The following EGF variants were observed in gnomAD, a reference collection of about 807,000 sequenced individuals.
EGF encodes pro-epidermal growth factor.
A neutral mutation model predicts 143.8 loss-of-function variants in EGF; 95 were observed. That is an observed-to-expected ratio of 0.66 (90% CI 0.56 to 0.78). The LOEUF is 0.78. Ranked by LOEUF, EGF falls within the 30% of genes least tolerant of loss-of-function variation. The pLI is 0.00. For missense variants in EGF, 1,320 were observed against 1,470.9 expected, an observed-to-expected ratio of 0.90 and a Z score of 1.68; for synonymous variants, 510 against 510.5, an observed-to-expected ratio of 1.00 and a Z score of 0.01.
chr4:109,936,059 A>G (rs948247032), intron 1 of EGF, among the ~76,000 whole-genome samples: 1 of 152,200 alleles, frequency 6.6e-6, no homozygotes, highest in Non-Finnish European at 1.5e-5. Context: ...TGCTGGCCTC[A>G]TAAAATGAGT....
intron 1 of EGF, among the ~76,000 whole-genome samples, chr4:109,929,415 T>C (rs1160098100): frequency 6.6e-6 from 1 of 152,108 alleles, no homozygotes; most frequent in Non-Finnish European, 1.5e-5. Flanking sequence ...ACACACAATA[T>C]GTTGACTGTA....
At chr4:109,948,756 G>A (rs1478471447) in intron 5 of EGF, among the ~76,000 whole-genome samples, 1 of 152,168 alleles carries the variant, frequency 6.6e-6, no homozygotes, top group Non-Finnish European at 1.5e-5. Flanking sequence ...AAAGTGCTGG[G>A]ATTACAGGCA....
chr4:109,960,716 C>G, intron 6 of EGF, 151 bp from the exon 7 acceptor site: 3 of 784,826 alleles, frequency 3.8e-6, no homozygotes, highest in East Asian at 5.4e-5. Context: ...CTTATTTTAC[C>G]CTTTGCTAGA....
In EGF at chr4:109,916,623, T is replaced by A. The variant is rs531428464; in HGVS notation, c.127+3161T>A. Among the ~76,000 whole-genome samples the A allele has an allele frequency of 1.9e-3, 284 of 151,756 alleles. 4 individuals are homozygous for A. In the South Asian group the frequency reaches 0.019, roughly 10 times the overall value. ...TCTGGGAGTGGAATCTAGGCCTTATTTTTTTTTAATGTGGTGATTCTAACC... is the reference window on the plus strand; with the variant it reads ...TCTGGGAGTGGAATCTAGGCCTTATATTTTTTTAATGTGGTGATTCTAACC... On this transcript the variant is annotated intron_variant, in intron 1 of 23. Transcript: ENST00000265171.
At chr4:109,946,285 G>A (rs1437004156) in intron 5 of EGF, among the ~76,000 whole-genome samples, 1 of 152,108 alleles carries the variant, frequency 6.6e-6, no homozygotes, top group Non-Finnish European at 1.5e-5. Flanking sequence ...TCCTTCAAAA[G>A]CTTTTCTTTG....
intron 20 of EGF, 119 bp from the exon 21 acceptor site, chr4:109,999,560 T>A (rs1752276489): frequency 7.6e-7 from 1 of 1,315,428 alleles, no homozygotes; most frequent in Non-Finnish European, 1.1e-6. Flanking sequence ...TTTCTATATG[T>A]TTCTAAAGAG....
rs1255106788 is a variant in EGF, at chr4:109,993,342, C to T, written c.2830C>T (p.Leu944=). Residue 944 remains leucine (L), a synonymous_variant, in exon 19 of 24, where the codon CTG becomes TTG. Transcript: ENST00000265171. ...GGYTCMCAGR[L]SEPGLICPDS... ...CTATACCTGCATGTGTGCTGGACGC[C>T]TGTCTGAACCAGGACTGATTTGCCC... is the stretch of plus-strand genomic sequence containing the variant. 6.2e-7 allele frequency: 1 copy of T among 1,613,624 alleles called. No individual in the cohort carries two copies. The highest frequency in any genetic ancestry group is 8.5e-7 in the Non-Finnish European group (1 of 1,179,860).
chr4:109,943,192 T>A (rs528285663), intron 2 of EGF, 62 bp from the exon 3 acceptor site: 1 of 1,173,818 alleles, frequency 8.5e-7, no homozygotes, highest in African/African-American at 1.6e-5. Flanking sequence ...ATATAACAAT[T>A]AAAATAATTT....
Position 109,964,551 on chromosome 4 carries a change from AC to A in EGF, c.1575+15del, listed in dbSNP as rs1373236567. On this transcript the variant is annotated intron_variant, in intron 10 of 23. Transcript: ENST00000265171. ...GTGGAAAATAAGGTATGGTTTTGTTACTTGAACAGATGTGGACATGCTTTAA... is the reference window on the plus strand; with the variant it reads ...GTGGAAAATAAGGTATGGTTTTGTTATTGAACAGATGTGGACATGCTTTAA... 2.5e-6 allele frequency: 4 copies of A among 1,613,572 alleles called. No individual in the cohort carries two copies. The highest frequency in any genetic ancestry group is 3.4e-6 in the Non-Finnish European group (4 of 1,179,642).
intron 5 of EGF, among the ~76,000 whole-genome samples, chr4:109,953,152 T>C (rs985068304): frequency 3.3e-5 from 5 of 152,170 alleles, no homozygotes; most frequent in African/African-American, 1.2e-4. Flanking sequence ...GCACTGCAGG[T>C]GGTTCTGTAA....
chr4:110,008,481 C>T lies in EGF; in HGVS notation c.3370+251C>T, dbSNP rs1753613454. 6.6e-6 allele frequency among the ~76,000 whole-genome samples: 1 copy of T among 152,130 alleles called. No individual in the cohort carries two copies. The highest frequency in any genetic ancestry group is 2.4e-5 in the African/African-American group (1 of 41,422). ...GCAGCCCGTGTTCTTGCACTTTGAG[C>T]AAGAACACAATGGATGACTCCTTGA... On this transcript the variant is annotated intron_variant, in intron 23 of 23. Coordinates refer to ENST00000265171, the MANE Select transcript of EGF (RefSeq NM_001963.6).
Position 109,961,904 on chromosome 4 carries a change from G to A in EGF, c.1231G>A (p.Asp411Asn). 2 of 1,613,954 alleles carry A rather than the reference G, an allele frequency of 1.2e-6. No individual in the cohort carries two copies. The change falls in exon 8 of 24, where the codon GAC becomes AAC. Residue 411 changes from aspartate to asparagine, a missense_variant. Physicochemically the swap from Asp to Asn is conservative, Grantham distance 23. Around this residue, in one of 5 missense-constraint regions of EGF, gnomAD observed 1,186 missense variants for 1,313.7 expected, o/e 0.90. Transcript: ENST00000265171. ...CPRNVSECSHDCVLTSEGPLC... is the reference protein window; with the variant it reads ...CPRNVSECSHNCVLTSEGPLC... ...ACGCAATGTGTCTGAATGCAGCCATGACTGTGTTCTGACATCAGAAGGTCC... is the reference window on the plus strand; with the variant it reads ...ACGCAATGTGTCTGAATGCAGCCATAACTGTGTTCTGACATCAGAAGGTCC...
Position 110,013,667 on chromosome 4 carries a change from C to T in EGF, c.*2212C>T, listed in dbSNP as rs9991044. ...ACTCTCATCGTCTCATTGCGCGCAA[C>T]GCCTGATTGAGCTTCTGTTTGACTA... On this transcript the variant is annotated 3_prime_UTR_variant, in exon 24 of 24. Coordinates refer to ENST00000265171, the MANE Select transcript of EGF (RefSeq NM_001963.6). 1 allele frequency among the ~76,000 whole-genome samples: 151,687 copies of T among 152,160 alleles called. 75,611 individuals are homozygous for T. Among genetic ancestry groups the T allele is most frequent in the East Asian group, 1 (5,140 of 5,140 alleles).
chr4:109,945,046 C>G, intron 4 of EGF, 27 bp from the exon 5 acceptor site: 1 of 1,610,094 alleles, frequency 6.2e-7, no homozygotes, highest in South Asian at 1.1e-5. Flanking sequence ...TTCTGTTGTT[C>G]TTTTTTCTTT....
intron 8 of EGF, 109 bp from the exon 9 acceptor site, chr4:109,963,064 C>CAAAAAAA: frequency 8.9e-7 from 1 of 1,119,228 alleles, no homozygotes; most frequent in Non-Finnish European, 1.3e-6. Flanking sequence ...AACTCCATCT[C>CAAAAAAA]AAAAAAAAAA....
At chr4:109,919,441 G>A (rs1560623737) in intron 1 of EGF, among the ~76,000 whole-genome samples, 1 of 151,900 alleles carries the variant, frequency 6.6e-6, no homozygotes, top group Non-Finnish European at 1.5e-5. Flanking sequence ...GGGCTGGGGA[G>A]TGCCTTTACT....
rs773416269 is a variant in EGF, at chr4:109,976,024, G to A, written c.1842G>A (p.Trp614Ter). The A allele has an allele frequency of 6.2e-7, 1 of 1,613,834 alleles. No homozygotes were observed. Among genetic ancestry groups the A allele is most frequent in the South Asian group, 1.1e-5 (1 of 91,062 alleles). Residue 614 changes from tryptophan (W) to a stop codon, truncating the protein, a stop_gained, in exon 13 of 24, where the codon TGG becomes TGA. Transcript: ENST00000265171. LOFTEE classifies it high-confidence loss of function. The stretch of plus-strand genomic sequence containing the variant: ...TTCTTGATTAAAGGAGATTATTCTG[G>A]ACTGATACAGGGATTAATCCACGAA... Reference protein sequence around the residue: ...AVHPMAKRLFWTDTGINPRIE... With the variant: ...AVHPMAKRLF
chr4:109,984,415 A>C (rs1261130480), intron 16 of EGF, among the ~76,000 whole-genome samples: 1 of 152,192 alleles, frequency 6.6e-6, no homozygotes, highest in Non-Finnish European at 1.5e-5. Flanking sequence ...AAGGAGGTTC[A>C]TAATTTTAGT....
chr4:109,963,349 A>T (rs775591256), intron 9 of EGF, 51 bp downstream of exon 9: 2 of 1,612,766 alleles, frequency 1.2e-6, no homozygotes, highest in Non-Finnish European at 1.7e-6. Context: ...AATTCATGAA[A>T]ATCTTTTGTT....
Sources: allele counts gnomAD v4.1 joint callset (sites outside exome capture counted in the v4.1 genomes callset), GRCh38; gene constraint gnomAD v4.1.1; regional missense constraint gnomAD v4.1.1; transcripts MANE v1.5; gene names NCBI Gene and HGNC (gene_info 2026-07-23, HGNC 2026-07-21).